The following ATXN7 variants were observed in gnomAD, a reference collection of about 807,000 sequenced individuals.
The protein encoded by ATXN7 is ataxin 7.
In ATXN7, 12 loss-of-function variants were observed where a neutral mutation model predicts 70.5. That is an observed-to-expected ratio of 0.17 (90% CI 0.11 to 0.28). ATXN7 has a LOEUF of 0.28. Among genes scored for constraint, ATXN7 ranks in the 10% least tolerant of loss-of-function variants. ATXN7 has a pLI of 1.00. For missense variants in ATXN7, 1,256 were observed against 1,131.7 expected (o/e 1.11, Z -1.58); for synonymous variants, 498 against 448.7 (o/e 1.11, Z -1.39).
At chr3:63,975,015 T>C (rs1216033309) in intron 5 of ATXN7, among the ~76,000 whole-genome samples, 2 of 152,228 alleles carry the variant, frequency 1.3e-5, no homozygotes, top group Admixed American at 6.5e-5. Context: ...CCCACATGGC[T>C]CATTTCAGCC....
intron 8 of ATXN7, among the ~76,000 whole-genome samples, chr3:63,984,619 C>T (rs2075544286): frequency 6.6e-6 from 1 of 152,172 alleles, no homozygotes; most frequent in African/African-American, 2.4e-5. Flanking sequence ...TTTTTTCAAA[C>T]CCAAGATGTT....
In ATXN7 at chr3:63,865,726, CT is replaced by C. The variant is rs1400814766; in HGVS notation, c.-111+1569del. On this transcript the variant is annotated intron_variant, in intron 1 of 12. Transcript: ENST00000674280. Reference sequence around the variant, plus strand: ...CTAAAACGGTGAAACCCCGTCTCTACTAAAAAAAAATACAAAAAATTAGCCG... The same window carrying C: ...CTAAAACGGTGAAACCCCGTCTCTACAAAAAAAAATACAAAAAATTAGCCG... 2.1e-3 allele frequency among the ~76,000 whole-genome samples: 294 copies of C among 143,380 alleles called. 1 individual carries two copies. Among genetic ancestry groups the C allele is most frequent in the African/African-American group, 7.3e-3 (279 of 38,092 alleles). The allele number at this position is 143,380 out of a possible 152,430, so 94.1% of individuals were successfully genotyped here. A position where few individuals can be genotyped will look rare whatever the true frequency, so the allele number is the denominator to read the frequency against.
chr3:63,877,968 T>C (rs886213454), intron 1 of ATXN7, among the ~76,000 whole-genome samples: 1 of 152,182 alleles, frequency 6.6e-6, no homozygotes, highest in Non-Finnish European at 1.5e-5. Context: ...TGGTCAGAAC[T>C]GTTAAAGAGA....
chr3:63,910,404 C>A (rs1044038558), intron 2 of ATXN7, among the ~76,000 whole-genome samples: 1 of 152,098 alleles, frequency 6.6e-6, no homozygotes, highest in Admixed American at 6.5e-5. Flanking sequence ...CCGTTAAAAT[C>A]CAAATTTTCG....
chr3:63,982,385 C>T lies in ATXN7; in HGVS notation c.952C>T (p.Leu318=), dbSNP rs1281594642. The T allele has an allele frequency of 6.2e-7, 1 of 1,613,778 alleles. No individual in the cohort carries two copies. The highest frequency in any genetic ancestry group is 1.1e-5 in the South Asian group (1 of 91,060). The part of the protein sequence containing the change: ...NGKGLPAPPT[L]EKKPEDNSNN... ...CAAAGGGCTTCCTGCACCGCCCACT[C>T]TGGAAAAGAAACCTGAAGACAATTC... Residue 318 remains leucine (L), a synonymous_variant, in exon 7 of 13, where the codon CTG becomes TTG. Coordinates refer to ENST00000674280, the MANE Select transcript of ATXN7 (RefSeq NM_001377405.1).
intron 1 of ATXN7, among the ~76,000 whole-genome samples, chr3:63,871,609 A>C (rs1215200857): frequency 6.6e-6 from 1 of 152,310 alleles, no homozygotes; most frequent in East Asian, 1.9e-4. Flanking sequence ...GGGCCTATCC[A>C]TGTAGTGGAA....
intron 4 of ATXN7, among the ~76,000 whole-genome samples, chr3:63,922,585 G>C (rs1319432942): frequency 6.6e-6 from 1 of 152,010 alleles, no homozygotes; most frequent in African/African-American, 2.4e-5. Flanking sequence ...TAAATTATAG[G>C]CAATGTAATA....
intron 4 of ATXN7, among the ~76,000 whole-genome samples, chr3:63,917,746 A>G (rs997268421): frequency 6.6e-6 from 1 of 152,240 alleles, no homozygotes; most frequent in African/African-American, 2.4e-5. Context: ...CCTGCACACC[A>G]TTGTGCTCAG....
At chr3:63,944,243 T>G (rs2074819753) in intron 4 of ATXN7, among the ~76,000 whole-genome samples, 1 of 152,184 alleles carries the variant, frequency 6.6e-6, no homozygotes, top group African/African-American at 2.4e-5. Flanking sequence ...ATATACTGTT[T>G]TTTCCTGTAC....
chr3:63,990,936 TG>T, intron 11 of ATXN7, 77 bp downstream of exon 11: 3 of 1,600,124 alleles, frequency 1.9e-6, no homozygotes, highest in Non-Finnish European at 2.6e-6. Flanking sequence ...GTGAGACTGA[TG>T]TTATGAAGAT....
chr3:63,982,505 G>T, intron 7 of ATXN7, 60 bp downstream of exon 7: 2 of 1,398,376 alleles, frequency 1.4e-6, no homozygotes, highest in Admixed American at 4.3e-5. Flanking sequence ...GCATTCGTGG[G>T]GAGCAAATCA....
At chr3:63,920,422 C>G (rs917810387) in intron 4 of ATXN7, among the ~76,000 whole-genome samples, 3 of 152,130 alleles carry the variant, frequency 2.0e-5, no homozygotes, top group Admixed American at 1.3e-4. Context: ...ATGTAAGAGG[C>G]CCTGTAACCC....
chr3:63,969,687 T>C lies in ATXN7; in HGVS notation c.500-10228T>C, dbSNP rs570426765. ...TGGGAAAACAGTGACCTAGACCAAA[T>C]TGAGACTATAGAGATACTTGTGTAA... On this transcript the variant is annotated intron_variant, in intron 5 of 12. Transcript: ENST00000674280. Among the ~76,000 whole-genome samples the C allele has an allele frequency of 2.6e-5, 4 of 152,308 alleles. No homozygotes were observed. In the East Asian group the frequency reaches 5.8e-4, roughly 22 times the overall value.
chr3:63,905,248 G>C (rs984526523), intron 2 of ATXN7: 2 of 151,516 alleles, frequency 1.3e-5, no homozygotes, highest in Non-Finnish European at 2.9e-5. Flanking sequence ...GTCTTATTCT[G>C]TCGCCAGACT....
At chr3:63,874,504 G>T in intron 1 of ATXN7, among the ~76,000 whole-genome samples, 1 of 152,198 alleles carries the variant, frequency 6.6e-6, no homozygotes, top group East Asian at 1.9e-4. Context: ...TTGCACGTAT[G>T]TTCTCCTGTT....
intron 4 of ATXN7, among the ~76,000 whole-genome samples, chr3:63,942,021 A>G (rs1397229821): frequency 6.6e-6 from 1 of 152,172 alleles, no homozygotes; most frequent in African/African-American, 2.4e-5. Flanking sequence ...TTAGAAATAT[A>G]TCCAACAATG....
intron 4 of ATXN7, among the ~76,000 whole-genome samples, chr3:63,921,568 C>T (rs1483828336): frequency 6.6e-6 from 1 of 152,182 alleles, no homozygotes; most frequent in Non-Finnish European, 1.5e-5. Context: ...ATCATTATTT[C>T]CAAAAGCGTG....
intron 1 of ATXN7, chr3:63,865,209 G>A (rs1393954023): frequency 6.6e-6 from 1 of 152,198 alleles, no homozygotes; most frequent in African/African-American, 2.4e-5. Context: ...AGTGAAGTGT[G>A]TTTAACCTCT....
At chr3:63,995,070 C>T (rs1439363088) in intron 11 of ATXN7, among the ~76,000 whole-genome samples, 1 of 152,186 alleles carries the variant, frequency 6.6e-6, no homozygotes, top group Non-Finnish European at 1.5e-5. Context: ...TTCTGTGTTT[C>T]CTGCACTGTG....
Sources: gnomAD v4.1 joint callset for allele counts (sites outside exome capture counted in the v4.1 genomes callset) on GRCh38, gnomAD v4.1.1 for gene constraint, MANE v1.5 for transcripts, NCBI Gene and HGNC (gene_info 2026-07-23, HGNC 2026-07-21) for gene names.